The following TET2 variants were observed in gnomAD, a reference collection of about 807,000 sequenced individuals.
TET2 encodes tet methylcytosine dioxygenase 2, also known as methylcytosine dioxygenase TET2.
Under a neutral mutation model 142.9 loss-of-function variants are expected in TET2, and 299 were observed. The observed-to-expected ratio is 2.09, with a 90% CI of 1.90 to 2.30. TET2 has a LOEUF of 2.30. TET2 is among the 30% of genes most tolerant of loss of function. TET2 has a pLI of 0.00. For missense variants in TET2, 2,418 were observed against 2,378.0 expected (o/e 1.02, Z -0.35); for synonymous variants, 819 against 849.0 (o/e 0.96, Z 0.61).
chr4:105,209,616 T>C (rs142562064), intron 2 of TET2, among the ~76,000 whole-genome samples: 6 of 151,130 alleles, frequency 4.0e-5, no homozygotes, highest in Non-Finnish European at 8.8e-5. Flanking sequence ...ATTTCTCTAA[T>C]TTTTTGTGTG....
chr4:105,234,594 G>T lies in TET2; in HGVS notation c.652G>T (p.Val218Leu), dbSNP rs6843141. Residue 218 changes from valine (V) to leucine (L), a missense_variant, in exon 3 of 11, where the codon GTG becomes TTG. By Grantham distance (32) the Val-to-Leu change is conservative. Coordinates refer to ENST00000380013, the MANE Select transcript of TET2 (RefSeq NM_001127208.3). ...PNGATVSASS[V>L]EHTHGELLEK... ...TGGTGCTACAGTTTCTGCCTCTTCC[G>T]TGGAACACACACATGGTGAACTCCT... 3.2e-5 allele frequency: 52 copies of T among 1,613,976 alleles called. 2 individuals are homozygous for T. The South Asian group carries it at 4.9e-4, about 15-fold the overall frequency.
chr4:105,233,124 CT>C (rs1470029263), intron 2 of TET2, among the ~76,000 whole-genome samples: 1 of 151,970 alleles, frequency 6.6e-6, no homozygotes, highest in Non-Finnish European at 1.5e-5. Flanking sequence ...TGGCTCACAC[CT>C]GTAATCCCAG....
At chr4:105,265,881 G>A (rs1487511726) in intron 8 of TET2, among the ~76,000 whole-genome samples, 3 of 152,126 alleles carry the variant, frequency 2.0e-5, no homozygotes, top group Non-Finnish European at 2.9e-5. Context: ...AGAGTATTAG[G>A]CTCCAGTGTA....
intron 5 of TET2, 95 bp downstream of exon 5, chr4:105,243,022 C>A: frequency 1.0e-6 from 1 of 959,208 alleles, no homozygotes; most frequent in Non-Finnish European, 1.6e-6. Flanking sequence ...ATCAAAGACT[C>A]ATGCCAGTTA....
chr4:105,193,317 A>G (rs933321230), intron 2 of TET2, among the ~76,000 whole-genome samples: 2 of 152,150 alleles, frequency 1.3e-5, no homozygotes, highest in African/African-American at 2.4e-5. Context: ...AGCAGGAAAA[A>G]GGCGACCTTG....
intron 3 of TET2, chr4:105,237,604 T>TC (rs1414812795): frequency 6.9e-7 from 1 of 1,458,710 alleles, no homozygotes; most frequent in African/African-American, 1.4e-5. Context: ...TCTCTTCAGA[T>TC]CCTGTAAAAT....
At position 105,237,070 on chromosome 4, in the gene TET2, A is replaced by C; in HGVS notation, c.3128A>C (p.His1043Pro). The change falls in exon 3 of 11, where the codon CAT (histidine) becomes CCT (proline). Residue 1043 changes from histidine to proline, a missense_variant. His to Pro is a moderately conservative substitution (Grantham distance 77). Transcript: ENST00000380013. ...TTTCACGCCAAGTCGTTATTTGACC[A>C]TAAGGCTCTTACTCTCAAATCACAG... ...KQFHAKSLFD[H>P]KALTLKSQKQ... The C allele has an allele frequency of 6.2e-7, 1 of 1,614,180 alleles. No homozygotes were observed. Among genetic ancestry groups the C allele is most frequent in the Non-Finnish European group, 8.5e-7 (1 of 1,180,020 alleles).
chr4:105,275,384 A>C lies in TET2; in HGVS notation c.4874A>C (p.Asn1625Thr). The C allele has an allele frequency of 6.4e-7, 1 of 1,551,672 alleles. No individual in the cohort carries two copies. The highest frequency in any genetic ancestry group is 2.4e-5 in the East Asian group (1 of 40,922). The change falls in exon 11 of 11, where the codon AAT becomes ACT. Residue 1625 changes from asparagine to threonine, a missense_variant. Coordinates refer to ENST00000380013, the MANE Select transcript of TET2 (RefSeq NM_001127208.3). ...MNPYPGLLNQ[N>T]TQYPSYQCNG... The stretch of plus-strand genomic sequence containing the variant: ...CCTTACCCTGGGCTTTTGAATCAGA[A>C]TACCCAATATCCATCATATCAATGC...
intron 2 of TET2, among the ~76,000 whole-genome samples, chr4:105,193,756 A>G (rs927432421): frequency 1.1e-4 from 17 of 152,240 alleles, no homozygotes; most frequent in African/African-American, 3.6e-4. Flanking sequence ...GTTTGAATTC[A>G]GCATGAGTCA....
At chr4:105,164,200 A>C (rs1724032396) in intron 1 of TET2, among the ~76,000 whole-genome samples, 1 of 152,006 alleles carries the variant, frequency 6.6e-6, no homozygotes, top group Non-Finnish European at 1.5e-5. Flanking sequence ...TTCCCCTACT[A>C]CCCAGCCCAT....
intron 4 of TET2, chr4:105,241,902 G>A (rs1007231149): frequency 4.0e-6 from 5 of 1,239,590 alleles, no homozygotes; most frequent in Non-Finnish European, 5.1e-6. Context: ...AGTGTGATAT[G>A]TTGAATAGAA....
rs988763062 is a variant in TET2 at position 105,257,878 on chromosome 4, A to G, written c.3804-1741A>G. Among the ~76,000 whole-genome samples, 6 of 152,168 alleles carry G rather than the reference A, an allele frequency of 3.9e-5. 1 individual carries two copies. Among genetic ancestry groups the G allele is most frequent in the Admixed American group, 3.9e-4 (6 of 15,264 alleles). On this transcript the variant is annotated intron_variant, in intron 6 of 10. Transcript: ENST00000380013. ...GGTGGTTCACACTAGGTGAACTCCA[A>G]GTTAGATAAAGTAAAGATAACCTTA... is the stretch of plus-strand genomic sequence containing the variant.
intron 2 of TET2, among the ~76,000 whole-genome samples, chr4:105,195,238 G>T (rs997080410): frequency 2.0e-5 from 3 of 152,068 alleles, no homozygotes; most frequent in Admixed American, 6.6e-5. Flanking sequence ...AAGTAGAAAT[G>T]GAAGAGTCTT....
At chr4:105,160,770 TGTTG>T (rs1388216846) in intron 1 of TET2, among the ~76,000 whole-genome samples, 1 of 150,830 alleles carries the variant, frequency 6.6e-6, no homozygotes, top group Non-Finnish European at 1.5e-5. Context: ...TTTTTTGGTT[TGTTG>T]GTTTGTTTGT....
chr4:105,270,496 G>A (rs1730898886), intron 9 of TET2, among the ~76,000 whole-genome samples: 1 of 152,082 alleles, frequency 6.6e-6, no homozygotes, highest in African/African-American at 2.4e-5. Context: ...AGAGAGAGAA[G>A]CATATTCACC....
Position 105,269,876 on chromosome 4 carries a change from G to A in TET2, c.4182+129G>A, listed in dbSNP as rs112153204. 476 of 1,136,578 alleles carry A rather than the reference G, an allele frequency of 4.2e-4. 2 individuals are homozygous for A. In the African/African-American group the frequency reaches 6.8e-3, roughly 16 times the overall value. The allele number at this position is 1,136,578 out of a possible 1,614,324, so 70.4% of individuals were successfully genotyped here. A position where few individuals can be genotyped will look rare whatever the true frequency, so the allele number is the denominator to read the frequency against. On this transcript the variant is annotated intron_variant, in intron 9 of 10. Coordinates refer to ENST00000380013, the MANE Select transcript of TET2 (RefSeq NM_001127208.3). Reference sequence around the variant, plus strand: ...TGACTCACAGTTCCACATGGCTGTGGAGGCCTCACAATCATAGCTGAAGGC... The same window carrying A: ...TGACTCACAGTTCCACATGGCTGTGAAGGCCTCACAATCATAGCTGAAGGC...
Position 105,243,574 on chromosome 4 carries a change from T to A in TET2, c.3599T>A (p.Val1200Asp), listed in dbSNP as rs1197529221. ...ATGGAATGGTGATCCACGCAGGTGG[T>A]TCGCAGAAGCAGCAGTGAAGAGAAG... ...SQGCPIAKWVVRRSSSEEKLL... is the reference protein window; with the variant it reads ...SQGCPIAKWVDRRSSSEEKLL... Residue 1200 changes from valine (V) to aspartate (D), a missense_variant, in exon 6 of 11, where the codon GTT (valine) becomes GAT (aspartate). Val to Asp is a radical substitution (Grantham distance 152). Transcript: ENST00000380013. 1 of 1,551,454 alleles carries A rather than the reference T, an allele frequency of 6.4e-7. No homozygotes were observed. The highest frequency in any genetic ancestry group is 8.7e-7 in the Non-Finnish European group (1 of 1,146,892).
At chr4:105,160,963 G>A (rs13123752) in intron 1 of TET2, among the ~76,000 whole-genome samples, 93,510 of 151,958 alleles carry the variant, frequency 0.62, 28,847 homozygotes, top group Middle Eastern at 0.67. Flanking sequence ...TTTAGTAGAG[G>A]CGGGGTTTTA....
intron 1 of TET2, among the ~76,000 whole-genome samples, chr4:105,148,293 C>T (rs181314265): frequency 1.1e-3 from 160 of 152,256 alleles, no homozygotes; most frequent in Non-Finnish European, 1.9e-3. Context: ...GTTCTCCCTT[C>T]TTCATCTAAT....
Sources: allele counts gnomAD v4.1 joint callset (sites outside exome capture counted in the v4.1 genomes callset), GRCh38; gene constraint gnomAD v4.1.1; transcripts MANE v1.5; gene names NCBI Gene and HGNC (gene_info 2026-07-23, HGNC 2026-07-21).